COPA: variants seen among roughly 807,000 people sequenced by gnomAD.
COPA encodes coat protein complex I subunit alpha, also known as coatomer subunit alpha.
In COPA, 10 loss-of-function variants were observed where a neutral mutation model predicts 158.7. That is an observed-to-expected ratio of 0.06 (90% CI 0.04 to 0.11). The LOEUF is 0.11. Among genes scored for constraint, COPA ranks in the 10% least tolerant of loss-of-function variants. COPA has a pLI of 1.00. For missense variants in COPA, 1,065 were observed against 1,536.7 expected, an observed-to-expected ratio of 0.69 and a Z score of 5.13; for synonymous variants, 462 against 542.8, an observed-to-expected ratio of 0.85 and a Z score of 2.07.
chr1:160,293,603 T>C, intron 25 of COPA, 140 bp from the exon 26 acceptor site: 1 of 658,020 alleles, frequency 1.5e-6, no homozygotes, highest in Non-Finnish European at 2.5e-6. Flanking sequence ...CAAGCAATCC[T>C]CCAACCTCAG....
intron 17 of COPA, among the ~76,000 whole-genome samples, chr1:160,304,394 G>A (rs1308242659): frequency 2.0e-4 from 30 of 151,710 alleles, no homozygotes; most frequent in Admixed American, 1.7e-3. Flanking sequence ...AGCTGGGCGC[G>A]GTGGCTCACG....
intron 2 of COPA, 59 bp downstream of exon 2, chr1:160,340,122 A>G (rs1647968355): frequency 6.7e-7 from 1 of 1,492,058 alleles, no homozygotes; most frequent in Non-Finnish European, 9.3e-7. Flanking sequence ...AAGGCTTAAA[A>G]TACCCCAGGA....
At chr1:160,328,834 T>C (rs1293701405) in intron 6 of COPA, among the ~76,000 whole-genome samples, 1 of 152,228 alleles carries the variant, frequency 6.6e-6, no homozygotes, top group Non-Finnish European at 1.5e-5. Context: ...CTAAGCCCTG[T>C]GGGGTTCAAT....
chr1:160,293,869 C>T (rs1297471571), intron 25 of COPA, among the ~76,000 whole-genome samples: 1 of 152,094 alleles, frequency 6.6e-6, no homozygotes, highest in East Asian at 1.9e-4. Context: ...TACATTGTTC[C>T]CTGCCCCCAC....
intron 3 of COPA, among the ~76,000 whole-genome samples, chr1:160,335,841 GC>G (rs1437189705): frequency 7.4e-6 from 1 of 135,302 alleles, no homozygotes; most frequent in Admixed American, 8.3e-5. Flanking sequence ...CCGAAATCAT[GC>G]CATTGTACTC....
At chr1:160,302,930 T>G (rs1571156450) in intron 17 of COPA, among the ~76,000 whole-genome samples, 1 of 152,084 alleles carries the variant, frequency 6.6e-6, no homozygotes, top group South Asian at 2.1e-4. Context: ...CCCAGCACTT[T>G]GGGAAGCTGA....
Position 160,293,444 on chromosome 1 carries a change from G to C in COPA, c.2696C>G (p.Ala899Gly). The C allele has an allele frequency of 1.2e-6, 2 of 1,606,790 alleles. No homozygotes were observed. The highest frequency in any genetic ancestry group is 1.7e-6 in the Non-Finnish European group (2 of 1,177,684). ...AAAGAAACCATCTTCAGCCCCACCA[G>C]CTGCCCCAGGGGATATATCCTAGGG... ...PPELDISPGA[A>G]GGAEDGFFVP... is the part of the protein sequence containing the mutation. Residue 899 changes from alanine to glycine, a missense_variant, in exon 26 of 33, where the codon GCT (alanine) becomes GGT (glycine). Coordinates refer to ENST00000241704, the MANE Select transcript of COPA (RefSeq NM_004371.4).
At chr1:160,328,039 C>T (rs905092317) in intron 6 of COPA, among the ~76,000 whole-genome samples, 1 of 152,198 alleles carries the variant, frequency 6.6e-6, no homozygotes, top group African/African-American at 2.4e-5. Context: ...AAGGCCACAA[C>T]AATTTTAATT....
chr1:160,299,674 A>C (rs954104401), intron 17 of COPA, among the ~76,000 whole-genome samples: 1 of 152,136 alleles, frequency 6.6e-6, no homozygotes, highest in Non-Finnish European at 1.5e-5. Context: ...AATAATAAAT[A>C]GATTGCAAAT....
intron 23 of COPA, 109 bp from the exon 24 acceptor site, chr1:160,294,966 C>A: frequency 1.3e-6 from 1 of 786,476 alleles, no homozygotes; most frequent in South Asian, 1.7e-5. Flanking sequence ...CAAGCTTCTG[C>A]CTACTTACTA....
Position 160,316,934 on chromosome 1 carries a change from A to G in COPA, c.707-2809T>C, listed in dbSNP as rs565417252. On this transcript the variant is annotated intron_variant, in intron 8 of 32. Coordinates refer to ENST00000241704, the MANE Select transcript of COPA (RefSeq NM_004371.4). ...AAGTAAGACTACCCTAAGGCATATA[A>G]AAGTCAAACTCTCAAAAGTCAAGGA... is the stretch of plus-strand genomic sequence containing the variant. Among the ~76,000 whole-genome samples, 235 of 152,276 alleles carry G rather than the reference A, an allele frequency of 1.5e-3. 2 individuals are homozygous for G. The South Asian group carries it at 0.047, about 31-fold the overall frequency.
chr1:160,307,823 T>C (rs956415729), intron 13 of COPA, among the ~76,000 whole-genome samples: 2 of 152,228 alleles, frequency 1.3e-5, no homozygotes, highest in South Asian at 2.1e-4. Context: ...CAGTGGCTTA[T>C]TAGAATTTTG....
At chr1:160,333,549 T>C in intron 5 of COPA, 54 bp downstream of exon 5, 1 of 1,326,096 alleles carries the variant, frequency 7.5e-7, no homozygotes, top group Non-Finnish European at 1.1e-6. Flanking sequence ...AAGCTCATTA[T>C]GAAAAACTAG....
Position 160,289,663 on chromosome 1 carries a change from T to A in COPA, c.*494A>T, listed in dbSNP as rs1003406305. The A allele has an allele frequency of 1.3e-5, 2 of 152,370 alleles. No homozygotes were observed. Among genetic ancestry groups the A allele is most frequent in the African/African-American group, 4.8e-5 (2 of 41,354 alleles). The allele number at this position is 152,370 out of a possible 1,614,324, so 9.4% of individuals were successfully genotyped here. On this transcript the variant is annotated 3_prime_UTR_variant, in exon 33 of 33. Coordinates refer to ENST00000241704, the MANE Select transcript of COPA (RefSeq NM_004371.4). Reference sequence around the variant, plus strand: ...TGGAATGAAGTGGTATGATCTCAGTTGAATGCAACCTCCACCTCCTAGGTT... The same window carrying A: ...TGGAATGAAGTGGTATGATCTCAGTAGAATGCAACCTCCACCTCCTAGGTT...
intron 1 of COPA, 36 bp downstream of exon 1, chr1:160,343,095 T>G (rs1378218961): frequency 6.2e-7 from 1 of 1,613,818 alleles, no homozygotes; most frequent in South Asian, 1.1e-5. Flanking sequence ...GCTCCTGACA[T>G]CCAACCTCCA....
At chr1:160,323,347 G>A in intron 8 of COPA, 84 bp downstream of exon 8, 1 of 994,896 alleles carries the variant, frequency 1.0e-6, no homozygotes, top group Non-Finnish European at 1.4e-6. Flanking sequence ...TAGAAAAATA[G>A]GTCAGAGTCC....
intron 32 of COPA, 77 bp from the exon 33 acceptor site, chr1:160,290,293 C>T (rs1658182250): frequency 6.6e-7 from 1 of 1,523,512 alleles, no homozygotes; most frequent in South Asian, 1.2e-5. Flanking sequence ...CCCTATACCC[C>T]TCAATGGGCA....
At chr1:160,298,751 C>T in intron 19 of COPA, 94 bp downstream of exon 19, 1 of 1,464,682 alleles carries the variant, frequency 6.8e-7, no homozygotes, top group Non-Finnish European at 9.2e-7. Flanking sequence ...ATTATTCTGG[C>T]TAAAGAAGCA....
At chr1:160,330,657 T>G (rs1232381753) in intron 6 of COPA, among the ~76,000 whole-genome samples, 1 of 152,200 alleles carries the variant, frequency 6.6e-6, no homozygotes, top group African/African-American at 2.4e-5. Flanking sequence ...TAATGGTCTA[T>G]AAGAACAAGT....
Sources: gnomAD v4.1 joint callset for allele counts (sites outside exome capture counted in the v4.1 genomes callset) on GRCh38, gnomAD v4.1.1 for gene constraint, MANE v1.5 for transcripts, NCBI Gene and HGNC (gene_info 2026-07-23, HGNC 2026-07-21) for gene names.